NIM1K: variants seen among roughly 807,000 people sequenced by gnomAD.
NIM1K encodes the protein NIM1 serine/threonine protein kinase.
NIM1K carries 35 observed loss-of-function variants against 37.1 expected under a neutral mutation model. That is an observed-to-expected ratio of 0.94 (90% CI 0.72 to 1.25). NIM1K has a LOEUF of 1.25. Among genes scored for constraint, NIM1K ranks in the 50% most tolerant of loss-of-function variants. The pLI is 0.00. For synonymous variants in NIM1K, 234 were observed against 206.6 expected (o/e 1.13, Z -1.14); for missense variants, 564 against 548.0 (o/e 1.03, Z -0.29).
intron 2 of NIM1K, among the ~76,000 whole-genome samples, chr5:43,255,576 A>G (rs1283887492): frequency 6.6e-6 from 1 of 151,976 alleles, no homozygotes; most frequent in Non-Finnish European, 1.5e-5. Context: ...TGGTGAAACC[A>G]CAATTCTACT....
intron 1 of NIM1K, among the ~76,000 whole-genome samples, chr5:43,198,207 C>CTCTTTCTTTCTTTCTTTCTT (rs1176718462): frequency 7.8e-4 from 38 of 48,892 alleles, no homozygotes; most frequent in South Asian, 5.2e-3. Context: ...TTCTTTCTTT[C>CTCTTTCTTTCTTTCTTTCTT]TCTTTCTTTC....
intron 1 of NIM1K, among the ~76,000 whole-genome samples, chr5:43,228,388 C>T (rs1161562252): frequency 1.3e-5 from 2 of 152,058 alleles, no homozygotes; most frequent in African/African-American, 2.4e-5. Context: ...CCTCGTGATC[C>T]GCCCACCTCA....
At chr5:43,226,003 A>G (rs926209126) in intron 1 of NIM1K, among the ~76,000 whole-genome samples, 3 of 152,232 alleles carry the variant, frequency 2.0e-5, no homozygotes, top group Admixed American at 6.5e-5. Context: ...TGAAAGAAGT[A>G]TCACTGAAAT....
rs1250811310 is a variant in NIM1K at position 43,245,585 on chromosome 5, G to A, written c.-191G>A. The A allele has an allele frequency of 5.6e-6, 3 of 533,448 alleles. No homozygotes were observed. In the East Asian group the frequency reaches 9.1e-5, roughly 16 times the overall value. 33.0% of individuals were successfully genotyped at this position (533,448 alleles called of 1,614,324 possible). A position where few individuals can be genotyped will look rare whatever the true frequency, so the allele number is the denominator to read the frequency against. On this transcript the variant is annotated 5_prime_UTR_variant, in exon 2 of 4. Transcript: ENST00000326035. ...GGCGAGCAGCTCCTGGCTGGGCTGG[G>A]CAGACTCAGCTACCACGTTCACTGC... is the stretch of plus-strand genomic sequence containing the variant.
At chr5:43,276,396 T>C (rs748112738) in intron 2 of NIM1K, among the ~76,000 whole-genome samples, 1 of 152,158 alleles carries the variant, frequency 6.6e-6, no homozygotes, top group Non-Finnish European at 1.5e-5. Flanking sequence ...AAGAACCAGA[T>C]CTCATGTGAA....
At chr5:43,195,212 T>G (rs757803014) in intron 1 of NIM1K, among the ~76,000 whole-genome samples, 8 of 152,212 alleles carry the variant, frequency 5.3e-5, no homozygotes, top group Non-Finnish European at 1.2e-4. Flanking sequence ...AATATTCAAA[T>G]TGCTTATGAA....
rs534427127 is a variant in NIM1K at position 43,243,877 on chromosome 5, C to T, written c.-694-1205C>T. On this transcript the variant is annotated intron_variant, in intron 1 of 3. Transcript: ENST00000326035. ...CCCTGCTAGGAGGTACAACACCACA[C>T]CCTGCTAAGGGGAACTTTATCTTAA... 1.7e-3 allele frequency among the ~76,000 whole-genome samples: 255 copies of T among 152,194 alleles called. 1 individual carries two copies. Among genetic ancestry groups the T allele is most frequent in the African/African-American group, 6.0e-3 (251 of 41,516 alleles).
intron 1 of NIM1K, among the ~76,000 whole-genome samples, chr5:43,208,643 G>T (rs1752154626): frequency 6.6e-6 from 1 of 152,078 alleles, no homozygotes; most frequent in Admixed American, 6.6e-5. Flanking sequence ...GAGCAAATGT[G>T]TTCCAGTTAG....
At position 43,280,138 on chromosome 5, in the gene NIM1K, A is replaced by G. The variant is rs746745561; in HGVS notation, c.720A>G (p.Glu240=). ...GGTCTCCTCCCTACGCTGCGCCTGAACTCTTCCGGGACGAGCACTACATCG... is the reference window on the plus strand; with the variant it reads ...GGTCTCCTCCCTACGCTGCGCCTGAGCTCTTCCGGGACGAGCACTACATCG... ...FCGSPPYAAP[E]LFRDEHYIGI... is the part of the protein sequence containing the mutation. The change falls in exon 4 of 4, where the codon GAA becomes GAG. Residue 240 remains glutamate (E), a synonymous_variant. Coordinates refer to ENST00000326035, the MANE Select transcript of NIM1K (RefSeq NM_153361.4). The G allele has an allele frequency of 1.9e-6, 3 of 1,613,572 alleles. No individual in the cohort carries two copies. Among genetic ancestry groups the G allele is most frequent in the East Asian group, 2.2e-5 (1 of 44,850 alleles).
Position 43,213,201 on chromosome 5 carries a change from C to CT in NIM1K, c.-695+20793dup, listed in dbSNP as rs1204083405. Among the ~76,000 whole-genome samples the CT allele has an allele frequency of 4.9e-4, 25 of 50,990 alleles. 4 individuals carry two copies. The highest frequency in any genetic ancestry group is 1.6e-3 in the African/African-American group (24 of 14,892). The allele number at this position is 50,990 out of a possible 152,430, so 33.5% of individuals were successfully genotyped here. On this transcript the variant is annotated intron_variant, in intron 1 of 3. Transcript: ENST00000326035. Reference sequence around the variant, plus strand: ...TCTTTCTTTCTTTCTTTCTTTCTTTCTTTCTTTCTTTCTTTCTTTCTTTCC... The same window carrying CT: ...TCTTTCTTTCTTTCTTTCTTTCTTTCTTTTCTTTCTTTCTTTCTTTCTTTCC...
chr5:43,227,158 C>T (rs193014828), intron 1 of NIM1K, among the ~76,000 whole-genome samples: 453 of 152,204 alleles, frequency 3.0e-3, no homozygotes, highest in Non-Finnish European at 5.2e-3. Context: ...GTCAGGAGTT[C>T]AAGACCAGCC....
At chr5:43,212,921 A>G (rs1264961932) in intron 1 of NIM1K, among the ~76,000 whole-genome samples, 1 of 152,216 alleles carries the variant, frequency 6.6e-6, no homozygotes, top group African/African-American at 2.4e-5. Context: ...TATATTCTCA[A>G]TTATAGCTTC....
intron 1 of NIM1K, among the ~76,000 whole-genome samples, chr5:43,223,944 AT>A (rs1435746487): frequency 4.7e-5 from 7 of 148,272 alleles, no homozygotes; most frequent in African/African-American, 7.5e-5. Flanking sequence ...CGTTTGTTTT[AT>A]TGTGCAAAAA....
At chr5:43,238,136 G>T (rs531712596) in intron 1 of NIM1K, among the ~76,000 whole-genome samples, 1 of 149,158 alleles carries the variant, frequency 6.7e-6, no homozygotes, top group African/African-American at 2.5e-5. Context: ...TCTGCCTCAC[G>T]GGTTCACGCC....
chr5:43,217,329 T>C, intron 1 of NIM1K, among the ~76,000 whole-genome samples: 1 of 152,192 alleles, frequency 6.6e-6, no homozygotes, highest in East Asian at 1.9e-4. Flanking sequence ...CTGAATAGTA[T>C]TCCATTGTAT....
intron 1 of NIM1K, among the ~76,000 whole-genome samples, chr5:43,228,003 A>G (rs1171321860): frequency 1.3e-4 from 20 of 152,144 alleles, no homozygotes; most frequent in Admixed American, 8.5e-4. Flanking sequence ...GACTGTAACC[A>G]TGTTCTGACC....
intron 2 of NIM1K, among the ~76,000 whole-genome samples, chr5:43,270,546 C>A (rs1753240737): frequency 1.3e-5 from 2 of 152,048 alleles, no homozygotes; most frequent in Non-Finnish European, 2.9e-5. Context: ...TGGAAGAAGG[C>A]ATTAGAGACT....
At chr5:43,275,272 T>C (rs1263724538) in intron 2 of NIM1K, among the ~76,000 whole-genome samples, 3 of 152,218 alleles carry the variant, frequency 2.0e-5, no homozygotes, top group Non-Finnish European at 4.4e-5. Context: ...ATCATTACTT[T>C]TGATAGCTTC....
intron 1 of NIM1K, among the ~76,000 whole-genome samples, chr5:43,210,767 G>A (rs1236986882): frequency 6.6e-6 from 1 of 152,124 alleles, no homozygotes. Context: ...TAGGAGAAAA[G>A]GCATGCAAAT....
Sources: allele counts gnomAD v4.1 joint callset (sites outside exome capture counted in the v4.1 genomes callset), GRCh38; gene constraint gnomAD v4.1.1; transcripts MANE v1.5; gene names NCBI Gene and HGNC (gene_info 2026-07-23, HGNC 2026-07-21).